The following OPCML variants were observed in gnomAD, a reference collection of about 807,000 sequenced individuals.
The protein encoded by OPCML is opioid binding protein/cell adhesion molecule like, also known as opioid-binding protein/cell adhesion molecule.
A neutral mutation model predicts 37.8 loss-of-function variants in OPCML; 13 were observed. The observed-to-expected ratio is 0.34, with a 90% confidence interval of 0.22 to 0.55. OPCML has a LOEUF of 0.55. OPCML is among the 20% of genes least tolerant of loss of function. OPCML has a pLI of 0.91. For missense variants in OPCML, 341 were observed against 435.6 expected, an observed-to-expected ratio of 0.78 and a Z score of 1.93; for synonymous variants, 176 against 168.8, an observed-to-expected ratio of 1.04 and a Z score of -0.33.
chr11:132,436,415 T>C (rs1274086227), intron 6 of OPCML, 178 bp from the exon 7 acceptor site: 1 of 976,008 alleles, frequency 1.0e-6, no homozygotes, highest in Admixed American at 6.2e-5. Flanking sequence ...TGGCTTCTAA[T>C]TCCCAACGAC....
intron 3 of OPCML, among the ~76,000 whole-genome samples, chr11:132,618,316 C>T (rs947771090): frequency 1.3e-5 from 2 of 152,064 alleles, no homozygotes; most frequent in African/African-American, 4.8e-5. Context: ...AAAATACTGG[C>T]CAACATGGTG....
intron 1 of OPCML, among the ~76,000 whole-genome samples, chr11:133,344,789 T>G (rs1943957898): frequency 6.6e-6 from 1 of 152,168 alleles, no homozygotes; most frequent in Non-Finnish European, 1.5e-5. Flanking sequence ...AACCATAAAA[T>G]GATGCCACCT....
At chr11:133,197,320 C>T (rs1938573495) in intron 1 of OPCML, among the ~76,000 whole-genome samples, 1 of 152,146 alleles carries the variant, frequency 6.6e-6, no homozygotes, top group African/African-American at 2.4e-5. Flanking sequence ...GATACATTGT[C>T]CTTTATCTAA....
intron 1 of OPCML, chr11:133,025,411 G>T: frequency 1.0e-6 from 1 of 985,228 alleles, no homozygotes; most frequent in African/African-American, 1.7e-5. Flanking sequence ...TTCCCAAAAT[G>T]TGTGTCTCAG....
intron 1 of OPCML, among the ~76,000 whole-genome samples, chr11:133,284,360 G>C (rs553824664): frequency 6.6e-6 from 1 of 152,258 alleles, no homozygotes; most frequent in East Asian, 1.9e-4. Flanking sequence ...TCTTGGCAGC[G>C]GACACTGAAA....
intron 1 of OPCML, among the ~76,000 whole-genome samples, chr11:132,971,222 A>T (rs1231424781): frequency 6.6e-6 from 1 of 152,150 alleles, no homozygotes; most frequent in African/African-American, 2.4e-5. Context: ...CAGACAAAAT[A>T]TTATTTTGTT....
At position 133,275,131 on chromosome 11, in the gene OPCML, G is replaced by C. The variant is rs933594882; in HGVS notation, c.61+257133C>G. Among the ~76,000 whole-genome samples the C allele has an allele frequency of 5.3e-5, 8 of 152,236 alleles. No homozygotes were observed. The East Asian group carries it at 1.5e-3, about 29-fold the overall frequency. ...ATCCCAGCAAAGGGGGTGGGAGGCT[G>C]GGTAAATATTGGGTAAATTGGATCA... On this transcript the variant is annotated intron_variant, in intron 1 of 7. Transcript: ENST00000524381.
intron 1 of OPCML, among the ~76,000 whole-genome samples, chr11:133,057,901 A>G (rs919752167): frequency 1.3e-5 from 2 of 152,122 alleles, no homozygotes; most frequent in Admixed American, 6.5e-5. Flanking sequence ...AAATTAATTA[A>G]ACACCCTATC....
At chr11:133,083,534 G>T (rs1470987066) in intron 1 of OPCML, among the ~76,000 whole-genome samples, 1 of 152,220 alleles carries the variant, frequency 6.6e-6, no homozygotes, top group Non-Finnish European at 1.5e-5. Flanking sequence ...CCCAGGAATT[G>T]CACCTGGATT....
chr11:133,235,730 G>A lies in OPCML; in HGVS notation c.62-292720C>T, dbSNP rs554752596. ...AGGGACCCCAGAAGAGCTTCCTACT[G>A]CAGGGATACCTGGATTTTCTGGTCA... is the stretch of plus-strand genomic sequence containing the variant. On this transcript the variant is annotated intron_variant, in intron 1 of 7. Coordinates refer to ENST00000524381, the MANE Select transcript of OPCML (RefSeq NM_001012393.5). Among the ~76,000 whole-genome samples, 216 of 152,282 alleles carry A rather than the reference G, an allele frequency of 1.4e-3. 5 individuals are homozygous for A. Among genetic ancestry groups the A allele is most frequent in the Middle Eastern group, 0.01 (3 of 294 alleles).
intron 2 of OPCML, among the ~76,000 whole-genome samples, chr11:132,711,666 T>C (rs1373569043): frequency 6.6e-6 from 1 of 152,202 alleles, no homozygotes; most frequent in African/African-American, 2.4e-5. Context: ...TGTGTATGTA[T>C]GTATATGTGT....
chr11:133,014,318 G>GT (rs953606365), intron 1 of OPCML, among the ~76,000 whole-genome samples: 66 of 149,342 alleles, frequency 4.4e-4, no homozygotes, highest in South Asian at 2.3e-3. Context: ...TAAGCTGCTT[G>GT]TTTTTTTTTT....
At chr11:133,486,842 C>T (rs1466685354) in intron 1 of OPCML, among the ~76,000 whole-genome samples, 1 of 136,618 alleles carries the variant, frequency 7.3e-6, no homozygotes, top group Non-Finnish European at 1.5e-5. Flanking sequence ...CTCTCTCCCC[C>T]CCTTCTCTCT....
intron 1 of OPCML, chr11:133,003,749 G>C (rs2336592): frequency 0.63 from 620,011 of 985,060 alleles, 195,292 homozygotes; most frequent in African/African-American, 0.71. Context: ...GGAGGCCATG[G>C]AATAGGCTGA....
chr11:133,328,523 T>A (rs1394641589), intron 1 of OPCML, among the ~76,000 whole-genome samples: 1 of 152,122 alleles, frequency 6.6e-6, no homozygotes, highest in East Asian at 1.9e-4. Flanking sequence ...AGTAATGCAA[T>A]ACTCAAAACC....
intron 1 of OPCML, among the ~76,000 whole-genome samples, chr11:132,979,342 C>T (rs553805280): frequency 6.6e-6 from 1 of 152,328 alleles, no homozygotes; most frequent in South Asian, 2.1e-4. Flanking sequence ...TGACGTGGCT[C>T]CTCATCCCTG....
At chr11:132,895,937 T>C (rs1261757641) in intron 2 of OPCML, among the ~76,000 whole-genome samples, 1 of 152,088 alleles carries the variant, frequency 6.6e-6, no homozygotes, top group African/African-American at 2.4e-5. Context: ...TTTTCTAATT[T>C]ATACAAGCAG....
At chr11:133,500,434 T>A (rs1020348560) in intron 1 of OPCML, among the ~76,000 whole-genome samples, 4 of 152,198 alleles carry the variant, frequency 2.6e-5, no homozygotes, top group African/African-American at 9.6e-5. Context: ...ACAGAGGGTG[T>A]TTTGCATATT....
intron 1 of OPCML, among the ~76,000 whole-genome samples, chr11:133,132,724 T>C (rs2137140391): frequency 6.6e-6 from 1 of 152,178 alleles, no homozygotes; most frequent in East Asian, 1.9e-4. Flanking sequence ...CTCAAAATAC[T>C]TACGTTGAGT....
Sources: gnomAD v4.1 joint callset for allele counts (sites outside exome capture counted in the v4.1 genomes callset) on GRCh38, gnomAD v4.1.1 for gene constraint, MANE v1.5 for transcripts, NCBI Gene and HGNC (gene_info 2026-07-23, HGNC 2026-07-21) for gene names.